DNAJC1: variants seen among roughly 807,000 people sequenced by gnomAD.
DNAJC1 encodes the protein dnaJ homolog subfamily C member 1.
In DNAJC1, 58 loss-of-function variants were observed where a neutral mutation model predicts 76.6. The observed-to-expected ratio is 0.76, with a 90% CI of 0.61 to 0.94. DNAJC1 has a LOEUF of 0.94. Ranked by LOEUF, DNAJC1 falls within the 40% of genes least tolerant of loss-of-function variation. DNAJC1 has a pLI of 0.00. For synonymous variants in DNAJC1, 258 were observed against 267.9 expected, an observed-to-expected ratio of 0.96 and a Z score of 0.36; for missense variants, 689 against 677.3, an observed-to-expected ratio of 1.02 and a Z score of -0.19.
At chr10:21,842,716 G>A (rs1431643238) in intron 8 of DNAJC1, among the ~76,000 whole-genome samples, 1 of 152,248 alleles carries the variant, frequency 6.6e-6, no homozygotes, top group African/African-American at 2.4e-5. Flanking sequence ...AGAGGATGAC[G>A]GAGTACAGTT....
chr10:21,792,612 A>G (rs1467909725), intron 9 of DNAJC1, among the ~76,000 whole-genome samples: 2 of 151,964 alleles, frequency 1.3e-5, no homozygotes. Context: ...CAAAAAAGTT[A>G]GCCAGGCATA....
chr10:21,759,328 T>C lies in DNAJC1; in HGVS notation c.1438A>G (p.Ser480Gly), dbSNP rs1400702177. The change falls in exon 11 of 12, where the codon AGC becomes GGC. Residue 480 changes from serine (S) to glycine (G), a missense_variant. Transcript: ENST00000376980. Reference protein sequence around the residue: ...DFDIAEQNESSDEESLRKERA... With the variant: ...DFDIAEQNESGDEESLRKERA... ...TCTTTTCTCAGGCTCTCCTCGTCGCTGGACTCGTTTTGTTCTGCTATGTCA... is the reference window on the plus strand; with the variant it reads ...TCTTTTCTCAGGCTCTCCTCGTCGCCGGACTCGTTTTGTTCTGCTATGTCA... 1 of 1,614,244 alleles carries C rather than the reference T, an allele frequency of 6.2e-7. No homozygotes were observed. The highest frequency in any genetic ancestry group is 8.5e-7 in the Non-Finnish European group (1 of 1,180,032).
intron 8 of DNAJC1, among the ~76,000 whole-genome samples, chr10:21,853,207 C>T (rs1342003819): frequency 6.6e-6 from 1 of 152,094 alleles, no homozygotes; most frequent in Non-Finnish European, 1.5e-5. Context: ...TGCCATGTTC[C>T]AGAAGTCATT....
chr10:21,787,940 GC>G (rs1834633561), intron 9 of DNAJC1, among the ~76,000 whole-genome samples: 2 of 152,202 alleles, frequency 1.3e-5, no homozygotes. Context: ...TGGAACTAAT[GC>G]TGGAGTAGTC....
At chr10:21,881,346 GCTAA>G (rs1390264804) in intron 8 of DNAJC1, among the ~76,000 whole-genome samples, 1 of 152,142 alleles carries the variant, frequency 6.6e-6, no homozygotes, top group Non-Finnish European at 1.5e-5. Flanking sequence ...TTAAAATTTA[GCTAA>G]CTGTTTGGTG....
chr10:21,865,012 G>A (rs375111823), intron 8 of DNAJC1, among the ~76,000 whole-genome samples: 1 of 152,026 alleles, frequency 6.6e-6, no homozygotes, highest in East Asian at 1.9e-4. Flanking sequence ...GAATCACAAC[G>A]ACGTACTCCT....
At chr10:21,801,153 A>G (rs1268153370) in intron 9 of DNAJC1, among the ~76,000 whole-genome samples, 1 of 152,244 alleles carries the variant, frequency 6.6e-6, no homozygotes, top group East Asian at 1.9e-4. Flanking sequence ...TGTTTTGAAA[A>G]GCGTAAAATA....
At chr10:21,775,389 G>C (rs1834441542) in intron 9 of DNAJC1, among the ~76,000 whole-genome samples, 1 of 137,510 alleles carries the variant, frequency 7.3e-6, no homozygotes, top group Admixed American at 8.1e-5. Context: ...TTTGTCTTGG[G>C]AAGAGCCATA....
At chr10:21,764,259 T>C (rs1240816161) in intron 10 of DNAJC1, among the ~76,000 whole-genome samples, 1 of 152,206 alleles carries the variant, frequency 6.6e-6, no homozygotes, top group African/African-American at 2.4e-5. Flanking sequence ...AAAACAGTAT[T>C]GCGGTACAGT....
chr10:21,874,876 T>C (rs1333430508), intron 8 of DNAJC1, among the ~76,000 whole-genome samples: 2 of 152,080 alleles, frequency 1.3e-5, no homozygotes, highest in Non-Finnish European at 2.9e-5. Context: ...TTTTGTTTTG[T>C]TTTTGTTTTT....
chr10:21,919,538 A>G (rs1476847324), intron 5 of DNAJC1, among the ~76,000 whole-genome samples: 2 of 152,010 alleles, frequency 1.3e-5, no homozygotes, highest in Non-Finnish European at 2.9e-5. Context: ...GCTAAGTGAT[A>G]GGTCCGTCTA....
At chr10:21,878,870 CA>C (rs1470463925) in intron 8 of DNAJC1, among the ~76,000 whole-genome samples, 2 of 151,958 alleles carry the variant, frequency 1.3e-5, no homozygotes, top group Non-Finnish European at 2.9e-5. Flanking sequence ...AAAAATTATT[CA>C]TTATAGCCCC....
intron 1 of DNAJC1, among the ~76,000 whole-genome samples, chr10:21,989,920 T>C (rs1349155598): frequency 6.6e-6 from 1 of 152,154 alleles, no homozygotes; most frequent in African/African-American, 2.4e-5. Context: ...AAAATTAAAA[T>C]TCCACTCGCA....
At chr10:21,888,771 A>G (rs529503443) in intron 7 of DNAJC1, among the ~76,000 whole-genome samples, 26 of 152,228 alleles carry the variant, frequency 1.7e-4, no homozygotes, top group African/African-American at 5.5e-4. Context: ...ACTGGGGTCT[A>G]CTTGAGGTTG....
intron 8 of DNAJC1, among the ~76,000 whole-genome samples, chr10:21,822,291 T>C (rs978455582): frequency 9.2e-5 from 14 of 151,698 alleles, no homozygotes; most frequent in African/African-American, 3.4e-4. Flanking sequence ...ACACAAAAAT[T>C]AGCCAGGCAT....
intron 8 of DNAJC1, among the ~76,000 whole-genome samples, chr10:21,848,531 G>A (rs1310404282): frequency 6.6e-6 from 1 of 152,102 alleles, no homozygotes; most frequent in Non-Finnish European, 1.5e-5. Flanking sequence ...CCAATGTCCT[G>A]AAGTATTTCC....
chr10:21,925,691 C>T (rs1252930304), intron 3 of DNAJC1, among the ~76,000 whole-genome samples: 3 of 152,190 alleles, frequency 2.0e-5, no homozygotes, highest in Non-Finnish European at 4.4e-5. Context: ...CAAAAAACTA[C>T]GTATTGCATG....
intron 1 of DNAJC1, among the ~76,000 whole-genome samples, chr10:21,997,230 G>A (rs1189633836): frequency 6.6e-6 from 1 of 152,160 alleles, no homozygotes; most frequent in Non-Finnish European, 1.5e-5. Flanking sequence ...GGGCTTTAGG[G>A]AGGCCCCATT....
At chr10:21,968,797 A>C (rs924295209) in intron 1 of DNAJC1, among the ~76,000 whole-genome samples, 62 of 152,302 alleles carry the variant, frequency 4.1e-4, no homozygotes, top group Non-Finnish European at 6.3e-4. Context: ...GGGGTGAGCC[A>C]CCACACCCAG....
Sources: allele counts gnomAD v4.1 joint callset (sites outside exome capture counted in the v4.1 genomes callset), GRCh38; gene constraint gnomAD v4.1.1; transcripts MANE v1.5; gene names NCBI Gene and HGNC (gene_info 2026-07-23, HGNC 2026-07-21).